SNX29: variants seen among roughly 807,000 people sequenced by gnomAD.
SNX29 encodes sorting nexin 29, also known as sorting nexin-29.
In SNX29, 78 loss-of-function variants were observed where a neutral mutation model predicts 102.1. The observed-to-expected ratio is 0.76, with a 90% CI of 0.64 to 0.92. The LOEUF (loss-of-function observed/expected upper bound fraction) is 0.92. SNX29 is among the 40% of genes least tolerant of loss of function. The pLI is 0.00. For synonymous variants in SNX29, 580 were observed against 414.5 expected (o/e 1.40, Z -4.85); for missense variants, 1,280 against 1,061.7 (o/e 1.21, Z -2.86).
chr16:11,991,270 C>T (rs1399006370), intron 1 of SNX29, among the ~76,000 whole-genome samples: 2 of 152,114 alleles, frequency 1.3e-5, no homozygotes, highest in Non-Finnish European at 1.5e-5. Flanking sequence ...CTGCCCTTCC[C>T]GATGCTCTAG....
chr16:12,541,365 CTA>C (rs1555571830), intron 20 of SNX29, among the ~76,000 whole-genome samples: 3 of 152,218 alleles, frequency 2.0e-5, no homozygotes, highest in East Asian at 3.9e-4. Context: ...ACAGAATTCC[CTA>C]TGAGGGCAGT....
intron 13 of SNX29, among the ~76,000 whole-genome samples, chr16:12,194,738 T>G (rs1370763071): frequency 2.0e-5 from 3 of 151,714 alleles, no homozygotes; most frequent in Admixed American, 6.6e-5. Context: ...GCAATTCTTG[T>G]GTCTCAGCCT....
intron 11 of SNX29, among the ~76,000 whole-genome samples, chr16:12,114,397 C>T (rs2053612781): frequency 1.3e-5 from 2 of 152,114 alleles, no homozygotes; most frequent in Admixed American, 1.3e-4. Flanking sequence ...CCTGTTGAGG[C>T]TCTGTCTCTA....
At chr16:12,360,533 G>A (rs2082272074) in intron 16 of SNX29, among the ~76,000 whole-genome samples, 1 of 152,156 alleles carries the variant, frequency 6.6e-6, no homozygotes, top group African/African-American at 2.4e-5. Context: ...GGTGGTGTGT[G>A]TTTCCATCAG....
At chr16:12,559,230 C>G (rs971235813) in intron 20 of SNX29, among the ~76,000 whole-genome samples, 1 of 152,056 alleles carries the variant, frequency 6.6e-6, no homozygotes, top group African/African-American at 2.4e-5. Flanking sequence ...TACAGCCACT[C>G]CCCATCACTC....
chr16:12,344,157 T>C (rs917735177), intron 15 of SNX29, among the ~76,000 whole-genome samples: 2 of 152,218 alleles, frequency 1.3e-5, no homozygotes, highest in African/African-American at 4.8e-5. Flanking sequence ...TCCCCAGTCA[T>C]GTGGAACTTG....
At chr16:12,461,552 G>C (rs886656404) in intron 18 of SNX29, among the ~76,000 whole-genome samples, 5 of 152,146 alleles carry the variant, frequency 3.3e-5, no homozygotes, top group African/African-American at 9.7e-5. Context: ...TGAGGCTGCA[G>C]GGTGAAAAGT....
chr16:12,348,908 C>A (rs11641878), intron 15 of SNX29, among the ~76,000 whole-genome samples: 59,824 of 149,576 alleles, frequency 0.4, 13,442 homozygotes, highest in Non-Finnish European at 0.53. Context: ...ATTCCTCGTG[C>A]GCAGGGAGTG....
intron 15 of SNX29, among the ~76,000 whole-genome samples, chr16:12,331,509 C>T (rs2081290946): frequency 6.6e-6 from 1 of 152,174 alleles, no homozygotes; most frequent in African/African-American, 2.4e-5. Context: ...CTCTGAGCCT[C>T]AGTTTCCCCA....
At chr16:12,393,614 G>A (rs1274251814) in intron 16 of SNX29, among the ~76,000 whole-genome samples, 5 of 152,180 alleles carry the variant, frequency 3.3e-5, no homozygotes, top group Admixed American at 1.3e-4. Context: ...GAGGGTTACA[G>A]TGGAGACACT....
chr16:12,112,771 G>C (rs2053550251), intron 11 of SNX29, among the ~76,000 whole-genome samples: 1 of 152,170 alleles, frequency 6.6e-6, no homozygotes, highest in African/African-American at 2.4e-5. Flanking sequence ...CAACATCACT[G>C]GTCCTCAATA....
chr16:12,350,524 G>A lies in SNX29; in HGVS notation c.1783-5639G>A, dbSNP rs547146210. On this transcript the variant is annotated intron_variant, in intron 15 of 20. Transcript: ENST00000566228. ...ACCCATACCGAGGGATGACTGTACCGCCATCCGCTGTGGGCAGGCAGGGTT... is the reference window on the plus strand; with the variant it reads ...ACCCATACCGAGGGATGACTGTACCACCATCCGCTGTGGGCAGGCAGGGTT... Among the ~76,000 whole-genome samples the A allele has an allele frequency of 3.9e-4, 60 of 152,256 alleles. 1 individual carries two copies. The highest frequency in any genetic ancestry group is 3.4e-3 in the Middle Eastern group (1 of 294).
At chr16:12,171,115 C>T (rs1039126343) in intron 13 of SNX29, among the ~76,000 whole-genome samples, 8 of 152,024 alleles carry the variant, frequency 5.3e-5, no homozygotes, top group African/African-American at 1.9e-4. Context: ...CCTCATGGAC[C>T]CTGTGGGACA....
intron 13 of SNX29, among the ~76,000 whole-genome samples, chr16:12,149,773 C>G (rs924369992): frequency 6.6e-6 from 1 of 152,136 alleles, no homozygotes; most frequent in African/African-American, 2.4e-5. Flanking sequence ...ACACAGGAAG[C>G]TAATAAATGA....
At chr16:12,160,404 C>T (rs957761438) in intron 13 of SNX29, among the ~76,000 whole-genome samples, 2 of 152,192 alleles carry the variant, frequency 1.3e-5, no homozygotes, top group African/African-American at 4.8e-5. Context: ...AATTAGCCCA[C>T]CAACTTTAGA....
At chr16:12,557,699 C>T (rs537876589) in intron 20 of SNX29, 1 of 152,278 alleles carries the variant, frequency 6.6e-6, no homozygotes, top group East Asian at 1.9e-4. Context: ...GCAGTAGGCT[C>T]GTTTGATACC....
At chr16:12,139,170 G>C (rs970419988) in intron 13 of SNX29, among the ~76,000 whole-genome samples, 2 of 124,714 alleles carry the variant, frequency 1.6e-5, no homozygotes, top group Non-Finnish European at 3.1e-5. Context: ...GTACTCCAGA[G>C]CCTGGGCGAT....
chr16:12,038,885 C>G (rs1019798523), intron 4 of SNX29: 2 of 152,136 alleles, frequency 1.3e-5, no homozygotes, highest in Non-Finnish European at 2.9e-5. Flanking sequence ...GTGTTGTTGT[C>G]GCCAGATTCC....
chr16:12,554,717 C>T (rs967572037), intron 20 of SNX29, among the ~76,000 whole-genome samples: 9 of 152,158 alleles, frequency 5.9e-5, no homozygotes, highest in African/African-American at 1.2e-4. Context: ...TGACAGCTGT[C>T]TTTCAGTCTT....
Sources: allele counts gnomAD v4.1 joint callset (sites outside exome capture counted in the v4.1 genomes callset), GRCh38; gene constraint gnomAD v4.1.1; transcripts MANE v1.5; gene names NCBI Gene and HGNC (gene_info 2026-07-23, HGNC 2026-07-21).